Variants in DYNC2H1 observed in about 807,000 individuals in gnomAD.
DYNC2H1 encodes dynein cytoplasmic 2 heavy chain 1, also known as cytoplasmic dynein 2 heavy chain 1.
Under a neutral mutation model 570.0 loss-of-function variants are expected in DYNC2H1, and 410 were observed. The observed-to-expected ratio is 0.72, with a 90% CI of 0.66 to 0.78. DYNC2H1 has a LOEUF of 0.78. Among genes scored for constraint, DYNC2H1 ranks in the 30% least tolerant of loss-of-function variants. The pLI, the probability that DYNC2H1 is intolerant of heterozygous loss-of-function variation, is 0.00. For synonymous variants in DYNC2H1, 1,688 were observed against 1,677.6 expected (o/e 1.01, Z -0.15); for missense variants, 4,865 against 5,046.4 (o/e 0.96, Z 1.09).
At chr11:103,440,177 T>C (rs1341424370) in intron 85 of DYNC2H1, among the ~76,000 whole-genome samples, 1 of 152,166 alleles carries the variant, frequency 6.6e-6, no homozygotes, top group Non-Finnish European at 1.5e-5. Context: ...AGCCAGGATA[T>C]AGAGAGAGAT....
intron 83 of DYNC2H1, among the ~76,000 whole-genome samples, chr11:103,391,967 C>G (rs866029121): frequency 6.6e-6 from 1 of 152,190 alleles, no homozygotes; most frequent in Non-Finnish European, 1.5e-5. Context: ...AGGAGGCAGT[C>G]TGTCTGTTCT....
intron 59 of DYNC2H1, among the ~76,000 whole-genome samples, chr11:103,224,873 T>TA (rs1863743012): frequency 6.6e-6 from 1 of 152,220 alleles, no homozygotes; most frequent in Non-Finnish European, 1.5e-5. Context: ...ACCAAAAGTG[T>TA]AAAAGTGTTC....
chr11:103,268,970 T>C lies in DYNC2H1; in HGVS notation c.10695+8993T>C, dbSNP rs145280398. Among the ~76,000 whole-genome samples, 34 of 152,236 alleles carry C rather than the reference T, an allele frequency of 2.2e-4. No homozygotes were observed. In the East Asian group the frequency reaches 6.4e-3, roughly 28 times the overall value. ...AATGATTTAATATATTAGTGGACTA[T>C]AGTGACTGCAGTGGGATTATTTCTT... On this transcript the variant is annotated intron_variant, in intron 70 of 88. Transcript: ENST00000375735. This position sits in a 1 kb window ranked among gnomAD's most constrained non-coding sequence, Gnocchi z 4.6.
At position 103,135,501 on chromosome 11, in the gene DYNC2H1, C is replaced by A; in HGVS notation, c.2212C>A (p.Gln738Lys). Residue 738 changes from glutamine (Q) to lysine (K), a missense_variant, in exon 16 of 89, where the codon CAA becomes AAA. Physicochemically the swap from Gln to Lys is moderately conservative, Grantham distance 53. Coordinates refer to ENST00000375735, the MANE Select transcript of DYNC2H1 (RefSeq NM_001377.3). Reference sequence around the variant, plus strand: ...TGTGAATGTAACATATTAGGGATTCCAAGCAAGTGACATGCATGCATGGAA... The same window carrying A: ...TGTGAATGTAACATATTAGGGATTCAAAGCAAGTGACATGCATGCATGGAA... Reference protein sequence around the residue: ...GLATVEAQGFQASDMHAWKQH... With the variant: ...GLATVEAQGFKASDMHAWKQH... 1.3e-6 allele frequency: 2 copies of A among 1,543,230 alleles called. No homozygotes were observed. Among genetic ancestry groups the A allele is most frequent in the South Asian group, 1.3e-5 (1 of 76,540 alleles).
intron 15 of DYNC2H1, among the ~76,000 whole-genome samples, chr11:103,135,043 T>C (rs1859466484): frequency 6.6e-6 from 1 of 152,100 alleles, no homozygotes; most frequent in Admixed American, 6.6e-5. Flanking sequence ...AAAAAGTATG[T>C]AAATTCTTAT....
rs776109977 is a variant in DYNC2H1 at position 103,399,748 on chromosome 11, T to G, written c.12242T>G (p.Phe4081Cys). 2.5e-6 allele frequency: 4 copies of G among 1,613,894 alleles called. No homozygotes were observed. In the South Asian group the frequency reaches 4.4e-5, roughly 18 times the overall value. ...PILSFIILEQ[F>C]NAIRLVQSVH... The stretch of plus-strand genomic sequence containing the variant: ...CTGTCATTCATCATTCTTGAACAAT[T>G]TAATGCTATTCGTTTAGTACAAAGT... The change falls in exon 84 of 89, where the codon TTT (phenylalanine) becomes TGT (cysteine). Residue 4081 changes from phenylalanine to cysteine, a missense_variant. Phe to Cys is a radical substitution (Grantham distance 205). This residue lies in a region of DYNC2H1 where 2,401 missense variants were observed against 2,454.6 expected (regional missense o/e 0.98). Transcript: ENST00000375735.
At chr11:103,288,712 A>G (rs1381431539) in intron 75 of DYNC2H1, among the ~76,000 whole-genome samples, 1 of 144,740 alleles carries the variant, frequency 6.9e-6, no homozygotes, top group Admixed American at 7.0e-5. Flanking sequence ...AAAAAAAAAG[A>G]AAAGAAAGTA....
chr11:103,376,303 A>G (rs1591648758), intron 83 of DYNC2H1, among the ~76,000 whole-genome samples: 1 of 152,182 alleles, frequency 6.6e-6, no homozygotes, highest in Non-Finnish European at 1.5e-5. Flanking sequence ...AGAGAATTTA[A>G]CCCATTAATA....
At position 103,114,388 on chromosome 11, in the gene DYNC2H1, G is replaced by A. The variant is rs774224026; in HGVS notation, c.502+150G>A. On this transcript the variant is annotated intron_variant, in intron 3 of 88. Coordinates refer to ENST00000375735, the MANE Select transcript of DYNC2H1 (RefSeq NM_001377.3). ...AAAAAATGAGTAGATTTATGTGGAT[G>A]TAGAGAAGAGGAAAATATAATTGTT... 87 of 931,296 alleles carry A rather than the reference G, an allele frequency of 9.3e-5. 1 individual carries two copies. In the Middle Eastern group the frequency reaches 2.4e-3, roughly 26 times the overall value. 57.7% of individuals were successfully genotyped at this position (931,296 alleles called of 1,614,324 possible).
intron 70 of DYNC2H1, among the ~76,000 whole-genome samples, chr11:103,273,310 C>T (rs1865782338): frequency 6.6e-6 from 1 of 152,072 alleles, no homozygotes; most frequent in South Asian, 2.1e-4. Flanking sequence ...CCACCTCAGC[C>T]TCCCAAATAC....
intron 82 of DYNC2H1, among the ~76,000 whole-genome samples, chr11:103,348,008 C>T (rs146711365): frequency 1.4e-4 from 22 of 152,154 alleles, no homozygotes; most frequent in African/African-American, 4.8e-4. Flanking sequence ...AAAGATTAGA[C>T]GGGGGAGGGA....
rs533604583 is a variant in DYNC2H1, at chr11:103,254,625, C to A, written c.10207-790C>A. Among the ~76,000 whole-genome samples the A allele has an allele frequency of 2.6e-5, 4 of 152,256 alleles. No homozygotes were observed. The South Asian group carries it at 8.3e-4, about 32-fold the overall frequency. The stretch of plus-strand genomic sequence containing the variant: ...AGTGGCTGCACTATTTACTTTCCCA[C>A]CAGAAATATAGGAGGGTTCCGCTTT... On this transcript the variant is annotated intron_variant, in intron 66 of 88. Coordinates refer to ENST00000375735, the MANE Select transcript of DYNC2H1 (RefSeq NM_001377.3). This position sits in a 1 kb window ranked among gnomAD's most constrained non-coding sequence, Gnocchi z 4.9.
At chr11:103,214,490 G>T (rs1863298587) in intron 54 of DYNC2H1, among the ~76,000 whole-genome samples, 1 of 138,002 alleles carries the variant, frequency 7.2e-6, no homozygotes, top group Admixed American at 8.2e-5. Context: ...TGTTGCCCAG[G>T]CTGGCATGTA....
rs540725972 is a variant in DYNC2H1, at chr11:103,245,598, G to A, written c.10042+224G>A. 4.0e-4 allele frequency among the ~76,000 whole-genome samples: 61 copies of A among 152,182 alleles called. No homozygotes were observed. The highest frequency in any genetic ancestry group is 1.3e-3 in the African/African-American group (53 of 41,554). On this transcript the variant is annotated intron_variant, in intron 65 of 88. Transcript: ENST00000375735. The surrounding 1 kb of genome is among the most constrained non-coding windows in gnomAD (Gnocchi z 4.5). ...CCATAGTTTACTGGGGGTTGATTAC[G>A]TAAGCACACTCTCCCTAGCACATTA... is the stretch of plus-strand genomic sequence containing the variant.
chr11:103,168,803 T>C lies in DYNC2H1; in HGVS notation c.4811T>C (p.Ile1604Thr), dbSNP rs1861442202. ...LKLKALILDI[I>T]HNIDVVKQLN... ...CTTAAAGCCCTAATTCTTGACATTATCCATAATATTGATGTGGTAAAGCAG... is the reference window on the plus strand; with the variant it reads ...CTTAAAGCCCTAATTCTTGACATTACCCATAATATTGATGTGGTAAAGCAG... The change falls in exon 32 of 89, where the codon ATC becomes ACC. Residue 1604 changes from isoleucine to threonine, a missense_variant. By Grantham distance (89) the Ile-to-Thr change is moderately conservative. This residue lies in a region of DYNC2H1 where 1,936 missense variants were observed against 1,962.1 expected (regional missense o/e 0.99). Transcript: ENST00000375735. 6.2e-7 allele frequency: 1 copy of C among 1,613,178 alleles called. No individual in the cohort carries two copies. The highest frequency in any genetic ancestry group is 8.5e-7 in the Non-Finnish European group (1 of 1,179,542).
rs1938269587 is a variant in DYNC2H1 at position 103,322,581 on chromosome 11, T to C, written c.11935-1305T>C. Among the ~76,000 whole-genome samples the C allele has an allele frequency of 1.3e-5, 2 of 152,216 alleles. 1 individual carries two copies. Among genetic ancestry groups the C allele is most frequent in the South Asian group, 4.1e-4 (2 of 4,834 alleles). ...ATATCACGTGGTATATATATATTTT[T>C]ATGTACAAGTAAGGGTAAATCAGTC... On this transcript the variant is annotated intron_variant, in intron 81 of 88. Coordinates refer to ENST00000375735, the MANE Select transcript of DYNC2H1 (RefSeq NM_001377.3).
intron 84 of DYNC2H1, among the ~76,000 whole-genome samples, chr11:103,434,673 G>A (rs1316452967): frequency 6.6e-6 from 1 of 151,964 alleles, no homozygotes; most frequent in Non-Finnish European, 1.5e-5. Context: ...TTAAAATAAT[G>A]TTTTTTAAAA....
chr11:103,200,155 G>T lies in DYNC2H1; in HGVS notation c.8197+1G>T. ...ATGATCAATAGCCTTTTGTCTTCAG[G>T]CAAGTGAACAGTTTCTTTTCGAAGA... is the stretch of plus-strand genomic sequence containing the variant. On this transcript the variant is annotated splice_donor_variant, in intron 50 of 88. Coordinates refer to ENST00000375735, the MANE Select transcript of DYNC2H1 (RefSeq NM_001377.3). LOFTEE classifies it high-confidence loss of function. 6.5e-7 allele frequency: 1 copy of T among 1,534,844 alleles called. No individual in the cohort carries two copies. The highest frequency in any genetic ancestry group is 8.8e-7 in the Non-Finnish European group (1 of 1,133,708).
intron 28 of DYNC2H1, 75 bp downstream of exon 28, chr11:103,159,102 GTAGA>G: frequency 1.7e-6 from 2 of 1,155,300 alleles, no homozygotes; most frequent in South Asian, 2.8e-5. Context: ...ATGCTCTTAG[GTAGA>G]CTACTGAATA....
Sources: allele counts gnomAD v4.1 joint callset (sites outside exome capture counted in the v4.1 genomes callset), GRCh38; gene constraint gnomAD v4.1.1; regional missense constraint gnomAD v4.1.1; non-coding constraint Gnocchi (gnomAD v3.1); transcripts MANE v1.5; gene names NCBI Gene and HGNC (gene_info 2026-07-23, HGNC 2026-07-21).